Variants in COTL1 observed in about 807,000 individuals in gnomAD.
COTL1 encodes the protein coactosin-like protein.
A neutral mutation model predicts 16.5 loss-of-function variants in COTL1; 15 were observed. That is an observed-to-expected ratio of 0.91 (90% CI 0.61 to 1.40). The LOEUF is 1.40. Ranked by LOEUF, COTL1 falls within the 40% of genes most tolerant of loss-of-function variation. The pLI, the probability that COTL1 is intolerant of heterozygous loss-of-function variation, is 0.00. For missense variants in COTL1, 220 were observed against 201.5 expected, an observed-to-expected ratio of 1.09 and a Z score of -0.56; for synonymous variants, 112 against 85.3, an observed-to-expected ratio of 1.31 and a Z score of -1.73.
intron 2 of COTL1, among the ~76,000 whole-genome samples, chr16:84,605,838 A>C (rs976288164): frequency 9.2e-5 from 14 of 152,204 alleles, no homozygotes; most frequent in African/African-American, 2.9e-4. Context: ...TTAATTCACC[A>C]AGTTTGTGGT....
In COTL1 at chr16:84,617,922, G is replaced by A. The variant is rs777740869; in HGVS notation, c.-8C>T. ...GTCGATCTTGGTGGCCATCGCCGCG[G>A]AGCCGCAGCGGGACACTGTCCGGGG... On this transcript the variant is annotated 5_prime_UTR_variant, in exon 1 of 4. Coordinates refer to ENST00000262428, the MANE Select transcript of COTL1 (RefSeq NM_021149.5). The A allele has an allele frequency of 2.6e-6, 4 of 1,549,748 alleles. No individual in the cohort carries two copies. In the African/African-American group the frequency reaches 4.1e-5, roughly 16 times the overall value.
chr16:84,594,695 C>T (rs1268793348), intron 2 of COTL1: 7 of 152,272 alleles, frequency 4.6e-5, no homozygotes, highest in African/African-American at 1.7e-4. Context: ...GACTTGGATC[C>T]AAACTACCCA....
intron 3 of COTL1, among the ~76,000 whole-genome samples, chr16:84,587,835 G>A (rs1274874015): frequency 6.6e-6 from 1 of 151,724 alleles, no homozygotes; most frequent in Admixed American, 6.6e-5. Context: ...AAAAAGGCTA[G>A]ATCTTGGCTC....
chr16:84,600,608 C>T (rs562646615), intron 2 of COTL1, among the ~76,000 whole-genome samples: 5 of 152,320 alleles, frequency 3.3e-5, no homozygotes, highest in African/African-American at 7.2e-5. Flanking sequence ...CCACTGCGCC[C>T]GGCCAAGGCT....
chr16:84,590,356 G>A lies in COTL1; in HGVS notation c.161-94C>T, dbSNP rs376405506. The A allele has an allele frequency of 6.8e-6, 10 of 1,460,542 alleles. No individual in the cohort carries two copies. The East Asian group carries it at 9.2e-5, about 13-fold the overall frequency. 90.5% of individuals were successfully genotyped at this position (1,460,542 alleles called of 1,614,324 possible). ...AGGCTGTGAGCCACGAGTGCGCCTG[G>A]AGCAGCACAGCAGGAGACCGGTGCA... is the stretch of plus-strand genomic sequence containing the variant. On this transcript the variant is annotated intron_variant, in intron 2 of 3. Transcript: ENST00000262428. This position sits in a 1 kb window ranked among gnomAD's most constrained non-coding sequence, Gnocchi z 5.5.
intron 2 of COTL1, among the ~76,000 whole-genome samples, chr16:84,606,912 A>C (rs11862800): frequency 5.3e-5 from 8 of 152,182 alleles, no homozygotes; most frequent in Admixed American, 4.6e-4. Context: ...GAACCCAGGC[A>C]TTACGGGTTC....
In COTL1 at chr16:84,566,585, T is replaced by C. The variant is rs1226908295; in HGVS notation, c.*260A>G. 3 of 427,306 alleles carry C rather than the reference T, an allele frequency of 7.0e-6. No homozygotes were observed. The highest frequency in any genetic ancestry group is 4.1e-5 in the Admixed American group (1 of 24,530). 26.5% of individuals were successfully genotyped at this position (427,306 alleles called of 1,614,324 possible). On this transcript the variant is annotated 3_prime_UTR_variant, in exon 4 of 4. Transcript: ENST00000262428. ...GGCAGGACCTTGCATCAAAATGACT[T>C]TTCTTTAGAACAAAAAAGAGGGGGA...
chr16:84,602,723 T>C (rs925024139), intron 2 of COTL1, among the ~76,000 whole-genome samples: 1 of 151,894 alleles, frequency 6.6e-6, no homozygotes, highest in African/African-American at 2.4e-5. Flanking sequence ...TTCATGGTGG[T>C]GCACACCTGT....
intron 3 of COTL1, among the ~76,000 whole-genome samples, chr16:84,583,909 G>C (rs112546295): frequency 2.6e-4 from 39 of 152,110 alleles, no homozygotes; most frequent in African/African-American, 8.2e-4. Flanking sequence ...ATGCCTTCTG[G>C]ATTCCTGGCT....
chr16:84,581,730 C>T (rs1567532980), intron 3 of COTL1, among the ~76,000 whole-genome samples: 2 of 152,118 alleles, frequency 1.3e-5, no homozygotes, highest in African/African-American at 4.8e-5. Flanking sequence ...GTCTCGAACT[C>T]CTGACCTCAG....
At chr16:84,568,065 T>G (rs1385665255) in intron 3 of COTL1, 2 of 152,226 alleles carry the variant, frequency 1.3e-5, no homozygotes, top group Non-Finnish European at 2.9e-5. Flanking sequence ...TGGCGCAATC[T>G]TGGCTCACAG....
At chr16:84,588,530 T>A (rs1230869400) in intron 3 of COTL1, among the ~76,000 whole-genome samples, 1 of 152,174 alleles carries the variant, frequency 6.6e-6, no homozygotes, top group Non-Finnish European at 1.5e-5. Context: ...CAACAGGGTC[T>A]CACTCAGTCT....
chr16:84,606,292 C>T (rs1285663913), intron 2 of COTL1, among the ~76,000 whole-genome samples: 1 of 152,204 alleles, frequency 6.6e-6, no homozygotes, highest in Non-Finnish European at 1.5e-5. Context: ...GGCCGGGAGC[C>T]TTGTGGGCCA....
chr16:84,600,376 G>T (rs1408747381), intron 2 of COTL1, among the ~76,000 whole-genome samples: 1 of 145,354 alleles, frequency 6.9e-6, no homozygotes, highest in Non-Finnish European at 1.5e-5. Flanking sequence ...GCCGTGGCAC[G>T]ATCTCAGCTT....
At chr16:84,607,126 G>A (rs1905226736) in intron 2 of COTL1, among the ~76,000 whole-genome samples, 1 of 152,178 alleles carries the variant, frequency 6.6e-6, no homozygotes, top group Non-Finnish European at 1.5e-5. Context: ...CTCTCTCCAG[G>A]AGGACTTCGC....
intron 3 of COTL1, chr16:84,568,804 G>T (rs1246584822): frequency 6.6e-6 from 1 of 152,162 alleles, no homozygotes; most frequent in Admixed American, 6.5e-5. Context: ...AAAAAGGCCC[G>T]TAAGGTGATC....
At chr16:84,594,187 T>C (rs1422618879) in intron 2 of COTL1, among the ~76,000 whole-genome samples, 1 of 149,380 alleles carries the variant, frequency 6.7e-6, no homozygotes, top group East Asian at 1.9e-4. Flanking sequence ...TTGATAGACA[T>C]TTGGGATCCT....
chr16:84,596,682 T>C (rs767655605), intron 2 of COTL1: 6 of 152,534 alleles, frequency 3.9e-5, no homozygotes, highest in Non-Finnish European at 8.8e-5. Context: ...GATCCCGCCT[T>C]CTACTTTCTC....
intron 2 of COTL1, among the ~76,000 whole-genome samples, chr16:84,599,694 T>G (rs1905073537): frequency 2.0e-5 from 3 of 152,162 alleles, no homozygotes; most frequent in African/African-American, 7.2e-5. Context: ...AGCGGCAAGA[T>G]TGCAGCTCAC....
Sources: allele counts gnomAD v4.1 joint callset (sites outside exome capture counted in the v4.1 genomes callset), GRCh38; gene constraint gnomAD v4.1.1; non-coding constraint Gnocchi (gnomAD v3.1); transcripts MANE v1.5; gene names NCBI Gene and HGNC (gene_info 2026-07-23, HGNC 2026-07-21).